ANKS6: variants seen among roughly 807,000 people sequenced by gnomAD.
ANKS6 encodes ankyrin repeat and sterile alpha motif domain containing 6.
In ANKS6, 47 loss-of-function variants were observed where a neutral mutation model predicts 77.9. The observed-to-expected ratio is 0.60, with a 90% CI of 0.48 to 0.77. The LOEUF (loss-of-function observed/expected upper bound fraction) is 0.77, where lower values mean the gene tolerates loss of function less well. ANKS6 is among the 30% of genes least tolerant of loss of function. The probability of loss-of-function intolerance (pLI) is 0.00; values close to 1 mark genes in which losing one functional copy is unlikely to be tolerated. For synonymous variants in ANKS6, 488 were observed against 501.7 expected (o/e 0.97, Z 0.37); for missense variants, 1,150 against 1,159.1 (o/e 0.99, Z 0.11).
At chr9:98,741,755 C>T (rs912752412) in intron 14 of ANKS6, among the ~76,000 whole-genome samples, 2 of 152,166 alleles carry the variant, frequency 1.3e-5, no homozygotes, top group African/African-American at 4.8e-5. Flanking sequence ...CTGGAAGTGA[C>T]GTGGCTTGCA....
chr9:98,796,054 A>T, intron 1 of ANKS6, 79 bp downstream of exon 1: 1 of 1,244,770 alleles, frequency 8.0e-7, no homozygotes, highest in Non-Finnish European at 1.0e-6. Context: ...CTCCCGGGGC[A>T]TCCGGCCGCC....
At chr9:98,777,667 G>A (rs1241960068) in intron 7 of ANKS6, among the ~76,000 whole-genome samples, 1 of 152,194 alleles carries the variant, frequency 6.6e-6, no homozygotes, top group Non-Finnish European at 1.5e-5. Context: ...CTGCCGTACT[G>A]AGTCAGACAG....
At position 98,736,586 on chromosome 9, in the gene ANKS6, T is replaced by C; in HGVS notation, c.2549A>G (p.Asn850Ser). The change falls in exon 15 of 15, where the codon AAC (asparagine) becomes AGC (serine). Residue 850 changes from asparagine to serine, a missense_variant. By Grantham distance (46) the Asn-to-Ser change is conservative. Coordinates refer to ENST00000353234, the MANE Select transcript of ANKS6 (RefSeq NM_173551.5). ...ERQILQETIHNFHSSFESSAS... is the reference protein window; with the variant it reads ...ERQILQETIHSFHSSFESSAS... ...ACTGCTCTCAAAGGAAGAGTGAAAGTTGTGAATGGTTTCCTGTAAAATTTG... is the reference window on the plus strand; with the variant it reads ...ACTGCTCTCAAAGGAAGAGTGAAAGCTGTGAATGGTTTCCTGTAAAATTTG... 1 of 1,613,360 alleles carries C rather than the reference T, an allele frequency of 6.2e-7. No homozygotes were observed. Among genetic ancestry groups the C allele is most frequent in the Non-Finnish European group, 8.5e-7 (1 of 1,179,720 alleles).
At chr9:98,757,087 C>T (rs1832751660) in intron 11 of ANKS6, among the ~76,000 whole-genome samples, 1 of 152,190 alleles carries the variant, frequency 6.6e-6, no homozygotes, top group Non-Finnish European at 1.5e-5. Flanking sequence ...AGGCTTTTTA[C>T]ATTAAAATAA....
Position 98,732,716 on chromosome 9 carries a change from A to G in ANKS6, c.*3803T>C, listed in dbSNP as rs1438174479. On this transcript the variant is annotated 3_prime_UTR_variant, in exon 15 of 15. Coordinates refer to ENST00000353234, the MANE Select transcript of ANKS6 (RefSeq NM_173551.5). The stretch of plus-strand genomic sequence containing the variant: ...GGGGGCTACTATCCCCCTGTAACCA[A>G]AAGGGAAACTGGGACTCAAAGGGAA... 2.8e-6 allele frequency: 4 copies of G among 1,441,666 alleles called. No individual in the cohort carries two copies. Among genetic ancestry groups the G allele is most frequent in the Non-Finnish European group, 3.6e-6 (4 of 1,101,882 alleles). 89.3% of individuals were successfully genotyped at this position (1,441,666 alleles called of 1,614,324 possible).
chr9:98,779,426 G>A (rs1206583478), intron 6 of ANKS6, among the ~76,000 whole-genome samples: 1 of 152,054 alleles, frequency 6.6e-6, no homozygotes, highest in Non-Finnish European at 1.5e-5. Flanking sequence ...GAAGAGAAGT[G>A]TTTGCTTTGG....
In ANKS6 at chr9:98,735,542, A is replaced by T; in HGVS notation, c.*977T>A. The stretch of plus-strand genomic sequence containing the variant: ...GATGTAGACAAAATTCCAAATTTTC[A>T]CTTCTTTGCCTAGAAACTTTGAGCA... On this transcript the variant is annotated 3_prime_UTR_variant, in exon 15 of 15. Coordinates refer to ENST00000353234, the MANE Select transcript of ANKS6 (RefSeq NM_173551.5). The T allele has an allele frequency of 8.1e-7, 1 of 1,230,378 alleles. No individual in the cohort carries two copies. Among genetic ancestry groups the T allele is most frequent in the Non-Finnish European group, 1.0e-6 (1 of 987,680 alleles). 76.2% of individuals were successfully genotyped at this position (1,230,378 alleles called of 1,614,324 possible).
In ANKS6 at chr9:98,756,616, G is replaced by A. The variant is rs1359371560; in HGVS notation, c.2143-13C>T. On this transcript the variant is annotated splice_polypyrimidine_tract_variant and intron_variant, in intron 11 of 14. Coordinates refer to ENST00000353234, the MANE Select transcript of ANKS6 (RefSeq NM_173551.5). Reference sequence around the variant, plus strand: ...TGGTCTCCAATTTCTGCTGAACAGAGTAAGACAAATACATAAGCCATCACC... The same window carrying A: ...TGGTCTCCAATTTCTGCTGAACAGAATAAGACAAATACATAAGCCATCACC... The A allele has an allele frequency of 6.7e-7, 1 of 1,500,596 alleles. No individual in the cohort carries two copies. The highest frequency in any genetic ancestry group is 1.4e-5 in the South Asian group (1 of 72,270). 93.0% of individuals were successfully genotyped at this position (1,500,596 alleles called of 1,614,324 possible).
chr9:98,734,255 C>T lies in ANKS6; in HGVS notation c.*2264G>A. 1.0e-6 allele frequency: 1 copy of T among 985,478 alleles called. No homozygotes were observed. The highest frequency in any genetic ancestry group is 1.2e-6 in the Non-Finnish European group (1 of 830,014). The allele number at this position is 985,478 out of a possible 1,614,324, so 61.0% of individuals were successfully genotyped here. Reference sequence around the variant, plus strand: ...AGGCATTGTCTGGAGCCTCTGCTGTCCTGTCTGCAAAATGGGAATAGCCCC... The same window carrying T: ...AGGCATTGTCTGGAGCCTCTGCTGTTCTGTCTGCAAAATGGGAATAGCCCC... On this transcript the variant is annotated 3_prime_UTR_variant, in exon 15 of 15. Coordinates refer to ENST00000353234, the MANE Select transcript of ANKS6 (RefSeq NM_173551.5).
chr9:98,783,838 T>C (rs946547029), intron 4 of ANKS6, 115 bp downstream of exon 4: 3 of 739,298 alleles, frequency 4.1e-6, no homozygotes, highest in Non-Finnish European at 5.6e-6. Context: ...AATGTCGTCA[T>C]AGTCCTGGGG....
intron 11 of ANKS6, among the ~76,000 whole-genome samples, chr9:98,760,138 A>G (rs1832933221): frequency 6.6e-6 from 1 of 152,146 alleles, no homozygotes; most frequent in South Asian, 2.1e-4. Context: ...AAATTTAAAG[A>G]TATTACCATG....
At chr9:98,778,518 C>T in intron 6 of ANKS6, 94 bp from the exon 7 acceptor site, 1 of 1,190,596 alleles carries the variant, frequency 8.4e-7, no homozygotes, top group South Asian at 1.4e-5. Context: ...ACTACATTCA[C>T]ATGTGCCTGC....
Position 98,732,923 on chromosome 9 carries a change from GA to G in ANKS6, c.*3595del, listed in dbSNP as rs1831279788. 4 of 1,063,024 alleles carry G rather than the reference GA, an allele frequency of 3.8e-6. No individual in the cohort carries two copies. The highest frequency in any genetic ancestry group is 4.6e-6 in the Non-Finnish European group (4 of 877,960). 65.8% of individuals were successfully genotyped at this position (1,063,024 alleles called of 1,614,324 possible). ...GCTGCCTTTGCACATGCCCCAGCTGGAATGCCCTTTTTCTTTTCTGCCTAAA... is the reference window on the plus strand; with the variant it reads ...GCTGCCTTTGCACATGCCCCAGCTGGATGCCCTTTTTCTTTTCTGCCTAAA... On this transcript the variant is annotated 3_prime_UTR_variant, in exon 15 of 15. Transcript: ENST00000353234.
chr9:98,736,301 C>A lies in ANKS6; in HGVS notation c.*218G>T. On this transcript the variant is annotated 3_prime_UTR_variant, in exon 15 of 15. Transcript: ENST00000353234. ...ACCAACCTGCCAAGCAGAAGCACCC[C>A]CACTGGACTGTTACATGGGAATCTG... 1 of 1,389,626 alleles carries A rather than the reference C, an allele frequency of 7.2e-7. No homozygotes were observed. The highest frequency in any genetic ancestry group is 9.3e-7 in the Non-Finnish European group (1 of 1,076,198). The allele number at this position is 1,389,626 out of a possible 1,614,324, so 86.1% of individuals were successfully genotyped here.
chr9:98,760,600 C>T lies in ANKS6; in HGVS notation c.2143-3997G>A, dbSNP rs200842469. ...TACACTTCACTGTTATCACATATCC[C>T]TACAGTGTTGCTGTTGCCAGAATCT... On this transcript the variant is annotated intron_variant, in intron 11 of 14. Coordinates refer to ENST00000353234, the MANE Select transcript of ANKS6 (RefSeq NM_173551.5). Among the ~76,000 whole-genome samples the T allele has an allele frequency of 5.9e-5, 9 of 152,330 alleles. No individual in the cohort carries two copies. The East Asian group carries it at 1.7e-3, about 29-fold the overall frequency.
chr9:98,777,563 T>A, intron 7 of ANKS6, 109 bp from the exon 8 acceptor site: 2 of 895,098 alleles, frequency 2.2e-6, no homozygotes, highest in South Asian at 1.5e-5. Flanking sequence ...CCTGGGTGCT[T>A]AAATATTTAA....
Position 98,736,561 on chromosome 9 carries a change from A to C in ANKS6, c.2574T>G (p.Ser858Arg). ...TGCCAGGGGCCCTGGTGTTGCTGGC[A>C]CTGCTCTCAAAGGAAGAGTGAAAGT... ...IHNFHSSFES[S>R]ASNTRAPGNS... The change falls in exon 15 of 15, where the codon AGT becomes AGG. Residue 858 changes from serine to arginine, a missense_variant. Physicochemically the swap from Ser to Arg is moderately radical, Grantham distance 110. Coordinates refer to ENST00000353234, the MANE Select transcript of ANKS6 (RefSeq NM_173551.5). The C allele has an allele frequency of 6.2e-7, 1 of 1,613,752 alleles. No individual in the cohort carries two copies. The highest frequency in any genetic ancestry group is 8.5e-7 in the Non-Finnish European group (1 of 1,179,842).
intron 3 of ANKS6, chr9:98,784,561 G>T (rs1834462102): frequency 2.1e-6 from 1 of 475,462 alleles, no homozygotes; most frequent in Non-Finnish European, 3.7e-6. Context: ...ACTGGAGTGG[G>T]TATGCAGAGA....
rs41283622 is a variant in ANKS6, at chr9:98,736,058, C to T, written c.*461G>A. 1.1e-3 allele frequency: 1,352 copies of T among 1,179,662 alleles called. 2 individuals carry two copies. The highest frequency in any genetic ancestry group is 2.1e-3 in the Admixed American group (52 of 24,210). 73.1% of individuals were successfully genotyped at this position (1,179,662 alleles called of 1,614,324 possible). A position where few individuals can be genotyped will look rare whatever the true frequency, so the allele number is the denominator to read the frequency against. On this transcript the variant is annotated 3_prime_UTR_variant, in exon 15 of 15. Transcript: ENST00000353234. ...AGCCACTATGTGGAGACTGCACATC[C>T]TGGCCTCCTCTGCATCCAGGTGGGG... is the stretch of plus-strand genomic sequence containing the variant.
Sources: allele counts gnomAD v4.1 joint callset (sites outside exome capture counted in the v4.1 genomes callset), GRCh38; gene constraint gnomAD v4.1.1; transcripts MANE v1.5; gene names NCBI Gene and HGNC (gene_info 2026-07-23, HGNC 2026-07-21).